Variants in GRM8 observed in about 807,000 individuals in gnomAD.
GRM8 encodes the protein metabotropic glutamate receptor 8.
A neutral mutation model predicts 87.2 loss-of-function variants in GRM8; 47 were observed. The ratio of observed to expected loss-of-function variants is 0.54; its 90% confidence interval spans 0.43 to 0.69. GRM8 has a LOEUF of 0.69. Among genes scored for constraint, GRM8 ranks in the 30% least tolerant of loss-of-function variants. The pLI, the probability that GRM8 is intolerant of heterozygous loss-of-function variation, is 0.00. For missense variants in GRM8, 1,019 were observed against 1,139.2 expected, an observed-to-expected ratio of 0.89 and a Z score of 1.52; for synonymous variants, 396 against 404.5, an observed-to-expected ratio of 0.98 and a Z score of 0.25.
intron 7 of GRM8, among the ~76,000 whole-genome samples, chr7:126,674,079 C>T (rs991864378): frequency 3.3e-5 from 5 of 152,126 alleles, no homozygotes; most frequent in African/African-American, 1.2e-4. Context: ...TCAATCTCTT[C>T]CGATTCTTAT....
At chr7:127,138,186 C>T (rs972456543) in intron 2 of GRM8, among the ~76,000 whole-genome samples, 1 of 152,218 alleles carries the variant, frequency 6.6e-6, no homozygotes, top group Non-Finnish European at 1.5e-5. Context: ...AAAGCCCTTG[C>T]TTCAATCTAC....
chr7:126,939,498 G>A (rs2131517615), intron 3 of GRM8, among the ~76,000 whole-genome samples: 1 of 152,282 alleles, frequency 6.6e-6, no homozygotes, highest in South Asian at 2.1e-4. Flanking sequence ...TCAAGCACCT[G>A]GTTACTACTA....
At chr7:126,931,006 T>C (rs1805709751) in intron 3 of GRM8, among the ~76,000 whole-genome samples, 1 of 152,184 alleles carries the variant, frequency 6.6e-6, no homozygotes, top group South Asian at 2.1e-4. Flanking sequence ...TTTGAAGTTT[T>C]CAGGAAATCC....
chr7:127,151,672 A>G (rs1345300642), intron 2 of GRM8, among the ~76,000 whole-genome samples: 1 of 152,114 alleles, frequency 6.6e-6, no homozygotes, highest in Non-Finnish European at 1.5e-5. Context: ...TAAGAAATAC[A>G]CAGAGATGTA....
intron 7 of GRM8, among the ~76,000 whole-genome samples, chr7:126,746,568 T>C (rs1357403725): frequency 6.6e-6 from 1 of 151,708 alleles, no homozygotes; most frequent in Non-Finnish European, 1.5e-5. Context: ...TTTACACATT[T>C]ATGTTACCTG....
chr7:126,773,893 C>T (rs1409631262), intron 6 of GRM8, among the ~76,000 whole-genome samples: 1 of 152,106 alleles, frequency 6.6e-6, no homozygotes, highest in East Asian at 1.9e-4. Context: ...CAATCAAATA[C>T]ACATAATCTT....
intron 7 of GRM8, among the ~76,000 whole-genome samples, chr7:126,707,186 A>G (rs1031549981): frequency 1.3e-4 from 20 of 152,138 alleles, no homozygotes; most frequent in African/African-American, 4.8e-4. Context: ...AAACACTGTT[A>G]TTATTACAAT....
At chr7:126,911,665 C>T (rs1208317831) in intron 3 of GRM8, among the ~76,000 whole-genome samples, 1 of 152,084 alleles carries the variant, frequency 6.6e-6, no homozygotes, top group Non-Finnish European at 1.5e-5. Flanking sequence ...ATGCAGGGCT[C>T]AGGGGAAGCA....
intron 8 of GRM8, among the ~76,000 whole-genome samples, chr7:126,587,770 A>C (rs1796291223): frequency 6.6e-6 from 1 of 152,054 alleles, no homozygotes; most frequent in African/African-American, 2.4e-5. Flanking sequence ...ACATGTATAC[A>C]TATATAACAA....
intron 7 of GRM8, among the ~76,000 whole-genome samples, chr7:126,714,240 T>C (rs1372939149): frequency 6.7e-6 from 1 of 149,942 alleles, no homozygotes; most frequent in African/African-American, 2.4e-5. Flanking sequence ...ATCGTGCCAC[T>C]CTACTCCCGT....
chr7:126,669,716 C>T (rs537234273), intron 7 of GRM8, among the ~76,000 whole-genome samples: 18 of 152,288 alleles, frequency 1.2e-4, no homozygotes, highest in Non-Finnish European at 2.2e-4. Context: ...TTAAAGATAA[C>T]AATTGCTGGG....
intron 7 of GRM8, among the ~76,000 whole-genome samples, chr7:126,610,047 G>T (rs1023148192): frequency 2.6e-5 from 4 of 152,154 alleles, no homozygotes; most frequent in African/African-American, 9.7e-5. Flanking sequence ...AATGGGTGAG[G>T]CATTGATCTA....
At chr7:126,686,307 C>G (rs1464292860) in intron 7 of GRM8, among the ~76,000 whole-genome samples, 1 of 152,104 alleles carries the variant, frequency 6.6e-6, no homozygotes, top group Non-Finnish European at 1.5e-5. Flanking sequence ...CAGGACAAGA[C>G]CTTGGTACCT....
chr7:126,573,775 A>C (rs930176063), intron 8 of GRM8, among the ~76,000 whole-genome samples: 1 of 151,958 alleles, frequency 6.6e-6, no homozygotes, highest in Non-Finnish European at 1.5e-5. Flanking sequence ...TAGTAGAGAC[A>C]GGGTTTCACC....
intron 7 of GRM8, among the ~76,000 whole-genome samples, chr7:126,767,029 G>A (rs1380162219): frequency 6.6e-6 from 1 of 152,166 alleles, no homozygotes; most frequent in Non-Finnish European, 1.5e-5. Flanking sequence ...GTACTTCCGA[G>A]ACCAGTAAGC....
intron 7 of GRM8, among the ~76,000 whole-genome samples, chr7:126,730,195 A>G (rs1405542885): frequency 1.3e-5 from 2 of 152,196 alleles, no homozygotes; most frequent in African/African-American, 4.8e-5. Flanking sequence ...CACATAAACC[A>G]TAAATTGTGT....
chr7:126,673,534 C>A (rs1460945141), intron 7 of GRM8, among the ~76,000 whole-genome samples: 1 of 152,174 alleles, frequency 6.6e-6, no homozygotes, highest in Admixed American at 6.5e-5. Flanking sequence ...GATCAACACA[C>A]CAAGAACACA....
intron 6 of GRM8, among the ~76,000 whole-genome samples, chr7:126,822,526 C>T (rs935032425): frequency 3.3e-5 from 5 of 150,594 alleles, no homozygotes; most frequent in African/African-American, 1.2e-4. Flanking sequence ...CCCTTCCCTT[C>T]CTTGTCTCTC....
chr7:126,495,033 C>A (rs1808532677), intron 9 of GRM8, among the ~76,000 whole-genome samples: 1 of 151,950 alleles, frequency 6.6e-6, no homozygotes, highest in Non-Finnish European at 1.5e-5. Flanking sequence ...TAAAATGCAA[C>A]CCTTACATAT....
Sources: gnomAD v4.1 joint callset for allele counts (sites outside exome capture counted in the v4.1 genomes callset) on GRCh38, gnomAD v4.1.1 for gene constraint, MANE v1.5 for transcripts, NCBI Gene and HGNC (gene_info 2026-07-23, HGNC 2026-07-21) for gene names.